Variants in OR14A2 observed in about 807,000 individuals in gnomAD.
OR14A2 encodes olfactory receptor family 14 subfamily A member 2.
For missense variants in OR14A2, 237 were observed against 152.9 expected (o/e 1.55, Z -2.90); for synonymous variants, 114 against 58.6 (o/e 1.95, Z -4.32).
chr1:247,722,969 GTATT>G (rs1304250628), downstream of OR14A2: 2 of 614,786 alleles, frequency 3.3e-6, no homozygotes, highest in African/African-American at 1.9e-5. Context: ...AGGCTCTTGA[GTATT>G]TATTTCTTCA....
chr1:247,743,095 T>C, the OR14A2 span, among the ~76,000 whole-genome samples: 1 of 152,210 alleles, frequency 6.6e-6, no homozygotes, highest in Non-Finnish European at 1.5e-5. Flanking sequence ...TGGAAATCTA[T>C]TTTTTTCCAC....
the OR14A2 span, among the ~76,000 whole-genome samples, chr1:247,736,411 A>G: frequency 6.6e-6 from 1 of 152,098 alleles, no homozygotes; most frequent in South Asian, 2.1e-4. Context: ...TTTTTATTTA[A>G]TCATGTGGAA....
At chr1:247,741,027 A>C in the OR14A2 span, among the ~76,000 whole-genome samples, 1 of 152,192 alleles carries the variant, frequency 6.6e-6, no homozygotes, top group African/African-American at 2.4e-5. Context: ...TAGCTTCCTC[A>C]TGAAATCTTC....
the OR14A2 span, among the ~76,000 whole-genome samples, chr1:247,733,940 T>A: frequency 3.3e-5 from 5 of 152,290 alleles, no homozygotes; most frequent in South Asian, 8.3e-4. Context: ...AGAGCTACTA[T>A]GCTAGTTAAG....
exon 1 of OR14A2, chr1:247,723,702 A>G: frequency 1.4e-6 from 1 of 718,682 alleles, no homozygotes; most frequent in Non-Finnish European, 2.6e-6. Context: ...AGGACATGGC[A>G]GTGAGGATAA....
At chr1:247,738,011 G>T in the OR14A2 span, among the ~76,000 whole-genome samples, 1 of 151,884 alleles carries the variant, frequency 6.6e-6, no homozygotes. Context: ...TTTAATTTTT[G>T]TGCTATGCTA....
chr1:247,734,553 G>T, the OR14A2 span, among the ~76,000 whole-genome samples: 5 of 152,126 alleles, frequency 3.3e-5, no homozygotes, highest in Non-Finnish European at 5.9e-5. Context: ...ATCTTTTAAA[G>T]ACTTAAAAAT....
chr1:247,730,305 C>A, the OR14A2 span, among the ~76,000 whole-genome samples: 3 of 151,956 alleles, frequency 2.0e-5, no homozygotes, highest in Non-Finnish European at 4.4e-5. Flanking sequence ...GCAAAAAAAC[C>A]TCACATGTTT....
chr1:247,736,148 G>GCCTTTGTTATGAATGTTGCTTCT, the OR14A2 span, among the ~76,000 whole-genome samples: 1 of 141,370 alleles, frequency 7.1e-6, no homozygotes, highest in African/African-American at 2.7e-5. Flanking sequence ...ACTCCATATA[G>GCCTTTGTTATGAATGTTGCTTCT]GCCTCCCCTC....
chr1:247,742,003 A>G, the OR14A2 span, among the ~76,000 whole-genome samples: 1 of 152,168 alleles, frequency 6.6e-6, no homozygotes, highest in Admixed American at 6.5e-5. Flanking sequence ...GTAAATTGAA[A>G]TAGTACTTCT....
At chr1:247,747,453 C>A in the OR14A2 span, among the ~76,000 whole-genome samples, 1 of 151,804 alleles carries the variant, frequency 6.6e-6, no homozygotes, top group Non-Finnish European at 1.5e-5. Flanking sequence ...GCTCTGCCTC[C>A]CAGGTTCATG....
At chr1:247,745,417 CTT>C in the OR14A2 span, among the ~76,000 whole-genome samples, 1 of 148,778 alleles carries the variant, frequency 6.7e-6, no homozygotes, top group African/African-American at 2.5e-5. Flanking sequence ...TGTCTTTTGG[CTT>C]TTTTTTTGAT....
chr1:247,734,005 T>C, the OR14A2 span, among the ~76,000 whole-genome samples: 8 of 152,118 alleles, frequency 5.3e-5, no homozygotes, highest in Non-Finnish European at 1.0e-4. Flanking sequence ...CAAATGGAAA[T>C]GGAAAGCAAA....
exon 1 of OR14A2, chr1:247,723,917 T>C (rs372154365): frequency 1.4e-6 from 1 of 717,060 alleles, no homozygotes; most frequent in South Asian, 1.5e-5. Flanking sequence ...AGAGTAATGA[T>C]GAGAAGGTTA....
the OR14A2 span, chr1:247,746,714 G>T: frequency 1.3e-5 from 2 of 152,254 alleles, no homozygotes. Context: ...AGTAATATTT[G>T]CAAACATCTT....
chr1:247,744,579 A>G, the OR14A2 span, among the ~76,000 whole-genome samples: 3 of 152,228 alleles, frequency 2.0e-5, no homozygotes, highest in Non-Finnish European at 4.4e-5. The surrounding 1 kb of genome is among the most constrained non-coding windows in gnomAD (Gnocchi z 4.3). Flanking sequence ...TCTTCAAAGC[A>G]GATGCCGAAT....
At chr1:247,724,084 C>CA (rs2103200629), upstream of OR14A2, 1 of 641,474 alleles carries the variant, frequency 1.6e-6, no homozygotes. Context: ...AGAAAATATG[C>CA]AAAAAAAGAA....
At chr1:247,744,789 G>T in the OR14A2 span, among the ~76,000 whole-genome samples, 1 of 152,192 alleles carries the variant, frequency 6.6e-6, no homozygotes, top group Non-Finnish European at 1.5e-5. The surrounding 1 kb of genome is among the most constrained non-coding windows in gnomAD (Gnocchi z 4.3). Flanking sequence ...GAGCACAGCT[G>T]CCTGAGACAT....
chr1:247,739,037 G>T, the OR14A2 span: 1 of 780,770 alleles, frequency 1.3e-6, no homozygotes, highest in South Asian at 1.3e-5. Context: ...TCTGTGTCCA[G>T]TTGATGGCTC....
Sources: allele counts gnomAD v4.1 joint callset (sites outside exome capture counted in the v4.1 genomes callset), GRCh38; gene constraint gnomAD v4.1.1; non-coding constraint Gnocchi (gnomAD v3.1); transcripts MANE v1.5; gene names NCBI Gene and HGNC (gene_info 2026-07-23, HGNC 2026-07-21).